EPG5: variants seen among roughly 807,000 people sequenced by gnomAD.
EPG5 encodes the protein ectopic P-granules 5 autophagy tethering factor.
EPG5 carries 159 observed loss-of-function variants against 302.7 expected under a neutral mutation model. The observed-to-expected ratio is 0.53, with a 90% confidence interval of 0.46 to 0.60. The LOEUF is 0.60. Ranked by LOEUF, EPG5 falls within the 20% of genes least tolerant of loss-of-function variation. The pLI is 0.00. For missense variants in EPG5, 2,896 were observed against 3,092.4 expected, an observed-to-expected ratio of 0.94 and a Z score of 1.51; for synonymous variants, 1,158 against 1,136.8, an observed-to-expected ratio of 1.02 and a Z score of -0.37.
intron 10 of EPG5, among the ~76,000 whole-genome samples, chr18:45,939,250 A>T (rs1321777404): frequency 6.6e-6 from 1 of 152,202 alleles, no homozygotes; most frequent in African/African-American, 2.4e-5. Flanking sequence ...CATGCTGCAC[A>T]CCTACTGCGT....
Position 45,955,023 on chromosome 18 carries a change from T to C in EPG5, c.379A>G (p.Asn127Asp), listed in dbSNP as rs758174305. ...AVTPKVHPGD[N>D]VGTKVETPKN... The stretch of plus-strand genomic sequence containing the variant: ...GGGGTTTCTACTTTAGTTCCAACAT[T>C]GTCTCCAGGGTGGACCTTTGGAGTG... The change falls in exon 2 of 44, where the codon AAT becomes GAT. Residue 127 changes from asparagine (N) to aspartate (D), a missense_variant. Physicochemically the swap from Asn to Asp is conservative, Grantham distance 23. This residue lies in a region of EPG5 where 1,390 missense variants were observed against 1,430.0 expected (regional missense o/e 0.97). Coordinates refer to ENST00000282041, the MANE Select transcript of EPG5 (RefSeq NM_020964.3). 5 of 1,614,218 alleles carry C rather than the reference T, an allele frequency of 3.1e-6. No homozygotes were observed. The highest frequency in any genetic ancestry group is 3.3e-5 in the Admixed American group (2 of 60,018).
intron 31 of EPG5, among the ~76,000 whole-genome samples, chr18:45,881,204 T>G (rs550318819): frequency 1.3e-5 from 2 of 152,370 alleles, no homozygotes; most frequent in South Asian, 4.1e-4. Flanking sequence ...AGAACAAATT[T>G]CTAGCTAAAT....
chr18:45,874,986 T>TG (rs2048941191), intron 35 of EPG5, among the ~76,000 whole-genome samples: 1 of 152,210 alleles, frequency 6.6e-6, no homozygotes, highest in Admixed American at 6.5e-5. Flanking sequence ...AAGGGTAGAA[T>TG]GGGGCAAAAG....
At position 45,937,349 on chromosome 18, in the gene EPG5, T is replaced by TACACATATATATACACAC. The variant is rs1255039471; in HGVS notation, c.2099+2233_2099+2250dup. On this transcript the variant is annotated intron_variant, in intron 10 of 43. Transcript: ENST00000282041. ...ATATATATACACATATATATAGATA[T>TACACATATATATACACAC]ACACATATATATACACACACACATA... Among the ~76,000 whole-genome samples the TACACATATATATACACAC allele has an allele frequency of 4.2e-4, 63 of 150,010 alleles. No individual in the cohort carries two copies. In the East Asian group the frequency reaches 9.8e-3, roughly 23 times the overall value.
chr18:45,837,765 G>T, the EPG5 span: 1 of 1,521,816 alleles, frequency 6.6e-7, no homozygotes, highest in Non-Finnish European at 8.7e-7. Context: ...AACCCGCGCC[G>T]CAACGACCTC....
intron 1 of EPG5, among the ~76,000 whole-genome samples, chr18:45,963,638 A>G (rs2143924054): frequency 6.6e-6 from 1 of 152,258 alleles, no homozygotes; most frequent in South Asian, 2.1e-4. Flanking sequence ...CGGTCTCAAA[A>G]AGAAAAAGAA....
At chr18:45,843,886 A>G (rs2048345345), downstream of EPG5, 2 of 152,324 alleles carry the variant, frequency 1.3e-5, no homozygotes, top group South Asian at 4.1e-4. Flanking sequence ...AAAGAAAAAA[A>G]AAGAAATAGA....
In EPG5 at chr18:45,865,699, C is replaced by G; in HGVS notation, c.6682G>C (p.Glu2228Gln). ...HQMVQFLSTL[E>Q]QNGKITLAVL... is the part of the protein sequence containing the mutation. Reference sequence around the variant, plus strand: ...GCTAAGGTGATTTTTCCATTTTGTTCCAGGGTGCTGAGGAATTGAACCATC... The same window carrying G: ...GCTAAGGTGATTTTTCCATTTTGTTGCAGGGTGCTGAGGAATTGAACCATC... Residue 2228 changes from glutamate to glutamine, a missense_variant, in exon 39 of 44, where the codon GAA (glutamate) becomes CAA (glutamine). Physicochemically the swap from Glu to Gln is conservative, Grantham distance 29. Around this residue, in one of 5 missense-constraint regions of EPG5, gnomAD observed 620 missense variants for 704.2 expected, o/e 0.88. Transcript: ENST00000282041. 6.2e-7 allele frequency: 1 copy of G among 1,613,334 alleles called. No individual in the cohort carries two copies. The highest frequency in any genetic ancestry group is 1.7e-5 in the Admixed American group (1 of 59,932).
chr18:45,921,515 A>G (rs1160781379), intron 16 of EPG5, among the ~76,000 whole-genome samples: 2 of 152,208 alleles, frequency 1.3e-5, no homozygotes, highest in Non-Finnish European at 2.9e-5. Context: ...GTAACACAAG[A>G]CAAATGCCAT....
intron 30 of EPG5, among the ~76,000 whole-genome samples, chr18:45,883,638 T>TTTGTACAGACAGGG: frequency 7.1e-6 from 1 of 140,786 alleles, no homozygotes; most frequent in Non-Finnish European, 1.5e-5. Flanking sequence ...TTTTTTTTTT[T>TTTGTACAGACAGGG]TTTGTACAGA....
At chr18:45,934,297 T>A (rs2050468284) in intron 11 of EPG5, among the ~76,000 whole-genome samples, 1 of 151,758 alleles carries the variant, frequency 6.6e-6, no homozygotes, top group African/African-American at 2.4e-5. Flanking sequence ...TCAAAAAAAA[T>A]AAAAAATAAA....
At position 45,922,326 on chromosome 18, in the gene EPG5, A is replaced by G. The variant is rs758224026; in HGVS notation, c.3098+15T>C. ...CAAGGTTCAGTAACCCTAGTGGTTC[A>G]GCCCAACACTGTACCTGTGGCCCAC... On this transcript the variant is annotated intron_variant, in intron 16 of 43. Coordinates refer to ENST00000282041, the MANE Select transcript of EPG5 (RefSeq NM_020964.3). 6 of 1,612,180 alleles carry G rather than the reference A, an allele frequency of 3.7e-6. No homozygotes were observed. Among genetic ancestry groups the G allele is most frequent in the Admixed American group, 1.7e-5 (1 of 59,822 alleles).
chr18:45,922,427 G>A lies in EPG5; in HGVS notation c.3012C>T (p.Pro1004=). 2 of 1,614,214 alleles carry A rather than the reference G, an allele frequency of 1.2e-6. No homozygotes were observed. The highest frequency in any genetic ancestry group is 1.7e-6 in the Non-Finnish European group (2 of 1,180,040). Residue 1004 remains proline, a synonymous_variant, in exon 16 of 44, where the codon CCC becomes CCT. Coordinates refer to ENST00000282041, the MANE Select transcript of EPG5 (RefSeq NM_020964.3). Reference sequence around the variant, plus strand: ...CAGCCTTCAAGAGAGGATGAAACGTGGGTGACTCTGTCATGTCAGGCACAG... The same window carrying A: ...CAGCCTTCAAGAGAGGATGAAACGTAGGTGACTCTGTCATGTCAGGCACAG... ...SVTVPDMTES[P]TFHPLLKAVK...
At chr18:45,905,128 G>A (rs1474337130) in intron 24 of EPG5, among the ~76,000 whole-genome samples, 1 of 152,168 alleles carries the variant, frequency 6.6e-6, no homozygotes, top group Non-Finnish European at 1.5e-5. Flanking sequence ...CCCATGGGCT[G>A]TCTTGCATAT....
intron 27 of EPG5, among the ~76,000 whole-genome samples, chr18:45,892,209 C>T (rs915506321): frequency 5.9e-5 from 9 of 152,112 alleles, no homozygotes; most frequent in African/African-American, 2.2e-4. Flanking sequence ...GACCCTCTCA[C>T]AAAAAACATC....
At position 45,923,406 on chromosome 18, in the gene EPG5, A is replaced by C. The variant is rs200251297; in HGVS notation, c.2719-19T>G. On this transcript the variant is annotated intron_variant, in intron 14 of 43. Transcript: ENST00000282041. ...GGGTAGCCTTTTAAAGAGAAAAATA[A>C]TCACAAACATACAACCTTGGTTTTG... The C allele has an allele frequency of 6.2e-7, 1 of 1,606,480 alleles. No individual in the cohort carries two copies. The highest frequency in any genetic ancestry group is 1.3e-5 in the African/African-American group (1 of 74,506).
chr18:45,839,201 T>G, the EPG5 span: 2 of 1,314,130 alleles, frequency 1.5e-6, no homozygotes, highest in African/African-American at 3.1e-5. Context: ...AATGTCGGTT[T>G]TTTTGCCCTA....
chr18:45,947,645 T>C (rs1211659749), intron 6 of EPG5, among the ~76,000 whole-genome samples: 1 of 152,166 alleles, frequency 6.6e-6, no homozygotes, highest in Non-Finnish European at 1.5e-5. Context: ...GCACACACCT[T>C]TGCTTCAGCC....
rs1247715185 is a variant in EPG5 at position 45,852,647 on chromosome 18, A to G, written c.7560T>C (p.Ala2520=). Residue 2520 remains alanine (A), a splice_region_variant and synonymous_variant, in exon 44 of 44, where the codon GCT becomes GCC. Coordinates refer to ENST00000282041, the MANE Select transcript of EPG5 (RefSeq NM_020964.3). The part of the protein sequence containing the change: ...ELHLTPKAQQ[A]LNALESMASS... ...ATGCCATGGATTCAAGAGCATTCAG[A>G]GCCTAAAAGACACGGAAGATGAGAG... The G allele has an allele frequency of 6.2e-7, 1 of 1,613,808 alleles. No homozygotes were observed. Among genetic ancestry groups the G allele is most frequent in the Non-Finnish European group, 8.5e-7 (1 of 1,179,836 alleles).
Sources: gnomAD v4.1 joint callset for allele counts (sites outside exome capture counted in the v4.1 genomes callset) on GRCh38, gnomAD v4.1.1 for gene constraint, gnomAD v4.1.1 regional missense constraint, MANE v1.5 for transcripts, NCBI Gene and HGNC (gene_info 2026-07-23, HGNC 2026-07-21) for gene names.